Variants in SLC25A24 observed in about 807,000 individuals in gnomAD.
The protein encoded by SLC25A24 is solute carrier family 25 member 24.
Under a neutral mutation model 60.7 loss-of-function variants are expected in SLC25A24, and 49 were observed. The observed-to-expected ratio is 0.81, with a 90% confidence interval of 0.64 to 1.02. The LOEUF (loss-of-function observed/expected upper bound fraction) is 1.02, where lower values mean the gene tolerates loss of function less well. Ranked by LOEUF, SLC25A24 falls within the 50% of genes least tolerant of loss-of-function variation. The pLI is 0.00. For synonymous variants in SLC25A24, 202 were observed against 200.6 expected, an observed-to-expected ratio of 1.01 and a Z score of -0.06; for missense variants, 564 against 586.3, an observed-to-expected ratio of 0.96 and a Z score of 0.39.
At chr1:108,146,154 G>A (rs1679583636) in intron 7 of SLC25A24, among the ~76,000 whole-genome samples, 1 of 152,090 alleles carries the variant, frequency 6.6e-6, no homozygotes, top group South Asian at 2.1e-4. Flanking sequence ...GTATTCCGAG[G>A]TATTTTATTC....
chr1:108,170,937 T>C (rs926495124), intron 3 of SLC25A24, among the ~76,000 whole-genome samples: 1 of 152,130 alleles, frequency 6.6e-6, no homozygotes, highest in African/African-American at 2.4e-5. Context: ...ATAAGAACTC[T>C]ATTTAGGCTG....
At chr1:108,150,753 C>T (rs1679733916) in intron 6 of SLC25A24, among the ~76,000 whole-genome samples, 1 of 152,020 alleles carries the variant, frequency 6.6e-6, no homozygotes, top group South Asian at 2.1e-4. Context: ...ACCTGTCTCC[C>T]CCAGCCCCTT....
intron 3 of SLC25A24, among the ~76,000 whole-genome samples, chr1:108,161,854 A>G (rs1213633163): frequency 1.3e-5 from 2 of 151,902 alleles, no homozygotes; most frequent in Admixed American, 6.5e-5. Context: ...TGTGCAGGTT[A>G]GTTACATATG....
intron 1 of SLC25A24, among the ~76,000 whole-genome samples, chr1:108,197,634 ACTGGTAAAACATGATTT>A (rs1342019062): frequency 3.3e-5 from 5 of 152,228 alleles, no homozygotes; most frequent in Non-Finnish European, 7.3e-5. Context: ...TGCCCAGATA[ACTGGTAAAACATGATTT>A]CTGGGTGTGT....
At chr1:108,189,301 G>A (rs145297568) in intron 1 of SLC25A24, among the ~76,000 whole-genome samples, 91 of 152,196 alleles carry the variant, frequency 6.0e-4, no homozygotes, top group African/African-American at 2.1e-3. Flanking sequence ...TCAGTTACCT[G>A]CGGTCAATCA....
chr1:108,161,886 C>T (rs1169265390), intron 3 of SLC25A24, among the ~76,000 whole-genome samples: 7 of 151,222 alleles, frequency 4.6e-5, no homozygotes, highest in Admixed American at 2.0e-4. Context: ...CTTGCTGGTG[C>T]GCTGCACCCA....
Position 108,181,961 on chromosome 1 carries a change from T to C in SLC25A24, c.378A>G (p.Gln126=). ...CTTACCTTTGAAGAATCAACTCTGC[T>C]TGTTGTTCAGAAATAGTCAGACCCA... ...QTLGLTISEQ[Q]AELILQSIDV... The change falls in exon 3 of 10, where the codon CAA becomes CAG. Residue 126 remains glutamine, a synonymous_variant. Coordinates refer to ENST00000565488, the MANE Select transcript of SLC25A24 (RefSeq NM_013386.5). The C allele has an allele frequency of 1.9e-6, 3 of 1,611,536 alleles. No homozygotes were observed. Among genetic ancestry groups the C allele is most frequent in the Non-Finnish European group, 2.5e-6 (3 of 1,178,062 alleles).
chr1:108,147,339 T>C (rs1387517261), intron 7 of SLC25A24, among the ~76,000 whole-genome samples: 1 of 152,142 alleles, frequency 6.6e-6, no homozygotes, highest in Non-Finnish European at 1.5e-5. Context: ...TTGTCTATTT[T>C]GTTAAACTTT....
intron 3 of SLC25A24, among the ~76,000 whole-genome samples, chr1:108,161,535 T>C (rs965382186): frequency 1.3e-5 from 2 of 152,214 alleles, no homozygotes; most frequent in Non-Finnish European, 2.9e-5. Context: ...TAAAGAATAC[T>C]TTCAGCACTC....
At chr1:108,187,077 C>CA (rs3043344) in intron 1 of SLC25A24, among the ~76,000 whole-genome samples, 32,610 of 139,584 alleles carry the variant, frequency 0.23, 4,048 homozygotes, top group African/African-American at 0.3. Flanking sequence ...AACTCTATCT[C>CA]AAAAAAAAAA....
At chr1:108,170,709 TTAA>T (rs773623443) in intron 3 of SLC25A24, among the ~76,000 whole-genome samples, 12 of 152,166 alleles carry the variant, frequency 7.9e-5, no homozygotes, top group South Asian at 2.1e-4. Flanking sequence ...TAATAGATTA[TTAA>T]TAATAATTAA....
rs2101637896 is a variant in SLC25A24 at position 108,182,012 on chromosome 1, T to C, written c.327A>G (p.Ser109=). 6.2e-7 allele frequency: 1 copy of C among 1,610,532 alleles called. No individual in the cohort carries two copies. Among genetic ancestry groups the C allele is most frequent in the Non-Finnish European group, 8.5e-7 (1 of 1,177,320 alleles). The part of the protein sequence containing the change: ...DKNNDGKIEA[S]EIVQSLQTLG... ...GTGTCTGGAGAGACTGGACAATTTCTGAAGCCTCAATTTTTCCTTTAAAAA... is the reference window on the plus strand; with the variant it reads ...GTGTCTGGAGAGACTGGACAATTTCCGAAGCCTCAATTTTTCCTTTAAAAA... The change falls in exon 3 of 10, where the codon TCA becomes TCG. Residue 109 remains serine (S), a synonymous_variant. Coordinates refer to ENST00000565488, the MANE Select transcript of SLC25A24 (RefSeq NM_013386.5).
chr1:108,173,826 G>A lies in SLC25A24; in HGVS notation c.398+8115C>T, dbSNP rs530100026. On this transcript the variant is annotated intron_variant, in intron 3 of 9. Coordinates refer to ENST00000565488, the MANE Select transcript of SLC25A24 (RefSeq NM_013386.5). ...GGCTGAGATGATCTCAGATGGAGAT[G>A]AGGAACTTGTTGGGAACTGGAGCAA... Among the ~76,000 whole-genome samples, 7 of 152,326 alleles carry A rather than the reference G, an allele frequency of 4.6e-5. 1 individual carries two copies. The South Asian group carries it at 1.5e-3, about 32-fold the overall frequency.
chr1:108,161,844 T>C (rs1680093495), intron 3 of SLC25A24, among the ~76,000 whole-genome samples: 1 of 152,036 alleles, frequency 6.6e-6, no homozygotes, highest in East Asian at 1.9e-4. Flanking sequence ...ATGTGCACAA[T>C]GTGCAGGTTA....
chr1:108,154,624 C>A (rs1442842251), intron 6 of SLC25A24, among the ~76,000 whole-genome samples: 1 of 110,636 alleles, frequency 9.0e-6, no homozygotes, highest in Non-Finnish European at 1.9e-5. Flanking sequence ...CAAAGGACTT[C>A]AACTTATAGT....
intron 6 of SLC25A24, 68 bp downstream of exon 6, chr1:108,154,915 A>T (rs1679852998): frequency 2.5e-6 from 3 of 1,222,640 alleles, no homozygotes; most frequent in African/African-American, 3.0e-5. Context: ...AGCATTATAC[A>T]TTAACATTTA....
chr1:108,185,892 C>T lies in SLC25A24; in HGVS notation c.246G>A (p.Lys82=), dbSNP rs1558026119. ...TTTTCTTCTCATGGTCTTTAAGGTA[C>T]TTCATAAATTCTTCAAAATCCAGCT... The part of the protein sequence containing the change: ...DGKLDFEEFM[K]YLKDHEKKMK... Residue 82 remains lysine, a synonymous_variant, in exon 2 of 10, where the codon AAG becomes AAA. Transcript: ENST00000565488. 1 of 1,592,292 alleles carries T rather than the reference C, an allele frequency of 6.3e-7. No homozygotes were observed. Among genetic ancestry groups the T allele is most frequent in the South Asian group, 1.1e-5 (1 of 88,770 alleles).
chr1:108,164,288 A>G (rs1446210597), intron 3 of SLC25A24, among the ~76,000 whole-genome samples: 2 of 152,066 alleles, frequency 1.3e-5, no homozygotes, highest in Non-Finnish European at 1.5e-5. Context: ...CTTTGGTATC[A>G]GGATGATGCT....
Position 108,194,294 on chromosome 1 carries a change from G to A in SLC25A24, c.183+5662C>T, listed in dbSNP as rs116334272. Among the ~76,000 whole-genome samples, 1,144 of 138,246 alleles carry A rather than the reference G, an allele frequency of 8.3e-3. 98 individuals carry two copies. The highest frequency in any genetic ancestry group is 0.027 in the African/African-American group (1,089 of 39,928). The allele number at this position is 138,246 out of a possible 152,430, so 90.7% of individuals were successfully genotyped here. Reference sequence around the variant, plus strand: ...TGAGCAGTGGCAAATGTCTAATGCTGTTTCACAAGATGTGCTGTGGCCCAA... The same window carrying A: ...TGAGCAGTGGCAAATGTCTAATGCTATTTCACAAGATGTGCTGTGGCCCAA... On this transcript the variant is annotated intron_variant, in intron 1 of 9. Coordinates refer to ENST00000565488, the MANE Select transcript of SLC25A24 (RefSeq NM_013386.5).
Sources: gnomAD v4.1 joint callset for allele counts (sites outside exome capture counted in the v4.1 genomes callset) on GRCh38, gnomAD v4.1.1 for gene constraint, MANE v1.5 for transcripts, NCBI Gene and HGNC (gene_info 2026-07-23, HGNC 2026-07-21) for gene names.